Variants in SLF1 observed in about 807,000 individuals in gnomAD.
SLF1 encodes the protein SMC5-SMC6 complex localization factor protein 1.
Under a neutral mutation model 123.0 loss-of-function variants are expected in SLF1, and 105 were observed. The ratio of observed to expected loss-of-function variants is 0.85; its 90% CI spans 0.73 to 1.00. The LOEUF (loss-of-function observed/expected upper bound fraction) is 1.00, where lower values mean the gene tolerates loss of function less well. Among genes scored for constraint, SLF1 ranks in the 50% least tolerant of loss-of-function variants. The pLI, the probability that SLF1 is intolerant of heterozygous loss-of-function variation, is 0.00. For synonymous variants in SLF1, 434 were observed against 406.6 expected, an observed-to-expected ratio of 1.07 and a Z score of -0.81; for missense variants, 1,239 against 1,223.0, an observed-to-expected ratio of 1.01 and a Z score of -0.20.
At chr5:94,681,811 G>GT (rs1446473645) in intron 15 of SLF1, among the ~76,000 whole-genome samples, 2 of 152,136 alleles carry the variant, frequency 1.3e-5, no homozygotes, top group Admixed American at 1.3e-4. Flanking sequence ...TCCATGTCTA[G>GT]TTTTTTCTTT....
intron 3 of SLF1, among the ~76,000 whole-genome samples, chr5:94,630,186 A>C (rs1398255047): frequency 6.6e-6 from 1 of 152,186 alleles, no homozygotes; most frequent in African/African-American, 2.4e-5. Context: ...AAAGCTTTAG[A>C]TTTATGTTTA....
At chr5:94,639,724 A>G (rs1344572576) in intron 4 of SLF1, among the ~76,000 whole-genome samples, 1 of 152,212 alleles carries the variant, frequency 6.6e-6, no homozygotes, top group Non-Finnish European at 1.5e-5. Flanking sequence ...AAGAGAAAAT[A>G]TATTTACTAT....
chr5:94,697,022 G>T lies in SLF1; in HGVS notation c.*1710G>T, dbSNP rs1217934592. 1.3e-5 allele frequency: 2 copies of T among 151,890 alleles called. No individual in the cohort carries two copies. Among genetic ancestry groups the T allele is most frequent in the Non-Finnish European group, 2.9e-5 (2 of 67,850 alleles). The allele number at this position is 151,890 out of a possible 1,614,324, so 9.4% of individuals were successfully genotyped here. A position where few individuals can be genotyped will look rare whatever the true frequency, so the allele number is the denominator to read the frequency against. ...TAAGGAATCAACATCATGAGTTAGG[G>T]TTTTATACTGTTAGTACAAAGTAGT... On this transcript the variant is annotated 3_prime_UTR_variant, in exon 21 of 21. Coordinates refer to ENST00000265140, the MANE Select transcript of SLF1 (RefSeq NM_032290.4).
At chr5:94,629,346 A>C (rs1187278387) in intron 3 of SLF1, among the ~76,000 whole-genome samples, 179 bp downstream of exon 3, 1 of 152,186 alleles carries the variant, frequency 6.6e-6, no homozygotes, top group East Asian at 1.9e-4. Context: ...ATTTTGTAAC[A>C]CATGAAAAAT....
intron 14 of SLF1, among the ~76,000 whole-genome samples, chr5:94,673,863 C>T (rs1304174353): frequency 1.3e-5 from 2 of 150,620 alleles, no homozygotes; most frequent in Admixed American, 6.6e-5. Context: ...AGCATTAAAA[C>T]GGGAAGATTG....
chr5:94,688,774 C>A, intron 17 of SLF1, 105 bp downstream of exon 17: 2 of 1,237,214 alleles, frequency 1.6e-6, no homozygotes, highest in Non-Finnish European at 2.2e-6. Flanking sequence ...CTGAATTATA[C>A]TGATTAGATC....
At chr5:94,691,507 T>A in intron 18 of SLF1, 57 bp from the exon 19 acceptor site, 1 of 1,339,228 alleles carries the variant, frequency 7.5e-7, no homozygotes, top group Non-Finnish European at 1.0e-6. Flanking sequence ...CCTTTGATTA[T>A]TTTTTTTAGT....
rs377136629 is a variant in SLF1 at position 94,692,152 on chromosome 5, G to A, written c.2591G>A (p.Cys864Tyr). Reference sequence around the variant, plus strand: ...TGTGTCCAGGAAATTTTGCAACGTTGTCCAGAGGTAGATCTGCTCACTCAA... The same window carrying A: ...TGTGTCCAGGAAATTTTGCAACGTTATCCAGAGGTAGATCTGCTCACTCAA... ...TVCVQEILQR[C>Y]PEVDLLTQVD... Residue 864 changes from cysteine (C) to tyrosine (Y), a missense_variant, in exon 20 of 21, where the codon TGT (cysteine) becomes TAT (tyrosine). By Grantham distance (194) the Cys-to-Tyr change is radical. Transcript: ENST00000265140. 1 of 1,613,916 alleles carries A rather than the reference G, an allele frequency of 6.2e-7. No individual in the cohort carries two copies. Among genetic ancestry groups the A allele is most frequent in the Non-Finnish European group, 8.5e-7 (1 of 1,179,864 alleles).
Position 94,629,173 on chromosome 5 carries a change from T to G in SLF1, c.190+6T>G, listed in dbSNP as rs1175682613. 2.6e-6 allele frequency: 4 copies of G among 1,545,872 alleles called. No homozygotes were observed. Among genetic ancestry groups the G allele is most frequent in the Admixed American group, 2.0e-5 (1 of 50,268 alleles). ...TTTAGCAGCTTGTGCGGCAGGTAAG[T>G]TAACTGTCTTCCCCCAACTTTTAAA... is the stretch of plus-strand genomic sequence containing the variant. On this transcript the variant is annotated splice_donor_region_variant and intron_variant, in intron 3 of 20. Coordinates refer to ENST00000265140, the MANE Select transcript of SLF1 (RefSeq NM_032290.4).
At chr5:94,647,880 G>A (rs961237103) in intron 5 of SLF1, among the ~76,000 whole-genome samples, 2 of 152,038 alleles carry the variant, frequency 1.3e-5, no homozygotes, top group Non-Finnish European at 2.9e-5. Flanking sequence ...ACTTATGTAG[G>A]GTACTAGTAT....
chr5:94,661,630 G>A (rs867437103), intron 9 of SLF1, among the ~76,000 whole-genome samples: 5 of 151,856 alleles, frequency 3.3e-5, no homozygotes, highest in Admixed American at 2.6e-4. Flanking sequence ...AGCTTCCCAG[G>A]TTCAAGCAAT....
At chr5:94,691,515 A>T in intron 18 of SLF1, 49 bp from the exon 19 acceptor site, 1 of 1,449,716 alleles carries the variant, frequency 6.9e-7, no homozygotes, top group Non-Finnish European at 9.5e-7. Context: ...TATTTTTTTT[A>T]GTTGATATCT....
chr5:94,687,730 AGAAAG>A (rs1295623958), intron 16 of SLF1, among the ~76,000 whole-genome samples: 3 of 152,038 alleles, frequency 2.0e-5, no homozygotes, highest in East Asian at 3.9e-4. Flanking sequence ...AAGAAAGAAA[AGAAAG>A]GAAAAAGAAA....
intron 4 of SLF1, among the ~76,000 whole-genome samples, chr5:94,638,408 G>A (rs1470929028): frequency 6.6e-6 from 1 of 151,896 alleles, no homozygotes; most frequent in African/African-American, 2.4e-5. Flanking sequence ...CTCGATCTCT[G>A]ACCTCGTGAT....
chr5:94,687,850 A>G (rs866227682), intron 16 of SLF1, among the ~76,000 whole-genome samples: 40 of 152,202 alleles, frequency 2.6e-4, no homozygotes, highest in Middle Eastern at 3.4e-3. Flanking sequence ...AAAGAACTAG[A>G]TCCAACAAAA....
At chr5:94,636,989 A>C (rs1169742406) in intron 4 of SLF1, among the ~76,000 whole-genome samples, 1 of 152,034 alleles carries the variant, frequency 6.6e-6, no homozygotes, top group East Asian at 1.9e-4. Context: ...CAAAGTGCTG[A>C]GATTACAGGC....
In SLF1 at chr5:94,688,601, C is replaced by G; in HGVS notation, c.2217C>G (p.Asp739Glu). Reference protein sequence around the residue: ...SKKIGQRPCFDSQRTLLMLNG... With the variant: ...SKKIGQRPCFESQRTLLMLNG... Reference sequence around the variant, plus strand: ...AAATAGGACAGCGGCCTTGTTTTGACTCTCAGAGAACCTTACTAATGCTGA... The same window carrying G: ...AAATAGGACAGCGGCCTTGTTTTGAGTCTCAGAGAACCTTACTAATGCTGA... Residue 739 changes from aspartate to glutamate, a missense_variant, in exon 17 of 21, where the codon GAC becomes GAG. Asp to Glu is a conservative substitution (Grantham distance 45). Coordinates refer to ENST00000265140, the MANE Select transcript of SLF1 (RefSeq NM_032290.4). The G allele has an allele frequency of 1.9e-6, 3 of 1,614,048 alleles. No homozygotes were observed. The highest frequency in any genetic ancestry group is 2.7e-5 in the African/African-American group (2 of 75,026).
At chr5:94,644,719 G>T (rs1019308824) in intron 5 of SLF1, among the ~76,000 whole-genome samples, 1 of 152,164 alleles carries the variant, frequency 6.6e-6, no homozygotes, top group Non-Finnish European at 1.5e-5. Flanking sequence ...CCCTTACTCA[G>T]TGAGGTTCAC....
At chr5:94,630,860 C>G (rs1745121625) in intron 4 of SLF1, 117 bp downstream of exon 4, 2 of 1,121,430 alleles carry the variant, frequency 1.8e-6, no homozygotes, top group Non-Finnish European at 1.2e-6. Flanking sequence ...GTGATTTACT[C>G]CAATCTCCTA....
Sources: gnomAD v4.1 joint callset for allele counts (sites outside exome capture counted in the v4.1 genomes callset) on GRCh38, gnomAD v4.1.1 for gene constraint, MANE v1.5 for transcripts, NCBI Gene and HGNC (gene_info 2026-07-23, HGNC 2026-07-21) for gene names.